The following MEF2C variants were observed in gnomAD, a reference collection of about 807,000 sequenced individuals.
MEF2C encodes myocyte-specific enhancer factor 2C.
MEF2C carries 6 observed loss-of-function variants against 50.5 expected under a neutral mutation model. That is an observed-to-expected ratio of 0.12 (90% CI 0.07 to 0.23). MEF2C has a LOEUF of 0.23. Among genes scored for constraint, MEF2C ranks in the 10% least tolerant of loss-of-function variants. The pLI is 1.00. For synonymous variants in MEF2C, 183 were observed against 228.0 expected (o/e 0.80, Z 1.78); for missense variants, 276 against 605.0 (o/e 0.46, Z 5.70).
At chr5:88,822,845 C>A (rs1248458745) in intron 2 of MEF2C, among the ~76,000 whole-genome samples, 2 of 151,960 alleles carry the variant, frequency 1.3e-5, no homozygotes, top group African/African-American at 4.8e-5. Context: ...AACGTCTTCT[C>A]TGCAGGTTCC....
chr5:88,734,598 T>TTTTTTTTTTTTG, intron 6 of MEF2C: 7 of 883,890 alleles, frequency 7.9e-6, no homozygotes, highest in Non-Finnish European at 9.3e-6. Flanking sequence ...TTTTTTTTTT[T>TTTTTTTTTTTTG]AGCATTTTCT....
rs1761654788 is a variant in MEF2C, at chr5:88,731,577, A to C, written c.810+152T>G. On this transcript the variant is annotated intron_variant, in intron 7 of 10. Coordinates refer to ENST00000504921, the MANE Select transcript of MEF2C (RefSeq NM_002397.5). Reference sequence around the variant, plus strand: ...AAATGCAAACCAGTTACCAGAAATAATAGCTAAATACAAGCAAGGCTCTGT... The same window carrying C: ...AAATGCAAACCAGTTACCAGAAATACTAGCTAAATACAAGCAAGGCTCTGT... 2.7e-5 allele frequency: 18 copies of C among 677,814 alleles called. No individual in the cohort carries two copies. The East Asian group carries it at 5.1e-4, about 19-fold the overall frequency. 42.0% of individuals were successfully genotyped at this position (677,814 alleles called of 1,614,324 possible). A position where few individuals can be genotyped will look rare whatever the true frequency, so the allele number is the denominator to read the frequency against.
chr5:88,871,062 T>A (rs1050535272), intron 1 of MEF2C, among the ~76,000 whole-genome samples: 1 of 152,062 alleles, frequency 6.6e-6, no homozygotes, highest in African/African-American at 2.4e-5. Context: ...TAAAAACAAA[T>A]GTGCTTCTAT....
rs1387122799 is a variant in MEF2C, at chr5:88,717,493, T to C, written c.*5111A>G. ...CTGGAATCACCACATGAGTTACATA[T>C]AATAATTGCTTAATACATGTTTGCT... On this transcript the variant is annotated 3_prime_UTR_variant, in exon 11 of 11. Transcript: ENST00000504921. 1 of 152,032 alleles carries C rather than the reference T, an allele frequency of 6.6e-6. No individual in the cohort carries two copies. Among genetic ancestry groups the C allele is most frequent in the Non-Finnish European group, 1.5e-5 (1 of 68,038 alleles). The allele number at this position is 152,032 out of a possible 1,614,324, so 9.4% of individuals were successfully genotyped here.
chr5:88,742,053 A>G, intron 6 of MEF2C: 2 of 985,424 alleles, frequency 2.0e-6, no homozygotes, highest in Non-Finnish European at 2.4e-6. Context: ...GCAAAATTTA[A>G]GTGATTGGCA....
At chr5:88,815,974 AG>A (rs1429818757) in intron 2 of MEF2C, among the ~76,000 whole-genome samples, 2 of 152,044 alleles carry the variant, frequency 1.3e-5, no homozygotes, top group Non-Finnish European at 2.9e-5. Flanking sequence ...CAGAGGTGAA[AG>A]GGGCCATTCA....
At chr5:88,752,855 T>C in intron 4 of MEF2C, 2 of 678,400 alleles carry the variant, frequency 2.9e-6, no homozygotes, top group Non-Finnish European at 1.8e-6. Flanking sequence ...ACTAACTAGA[T>C]GAACATAGGA....
Position 88,722,507 on chromosome 5 carries a change from C to A in MEF2C, c.*97G>T. The A allele has an allele frequency of 1.8e-6, 2 of 1,099,384 alleles. No individual in the cohort carries two copies. The highest frequency in any genetic ancestry group is 1.6e-5 in the South Asian group (1 of 63,074). The allele number at this position is 1,099,384 out of a possible 1,614,324, so 68.1% of individuals were successfully genotyped here. On this transcript the variant is annotated 3_prime_UTR_variant, in exon 11 of 11. Transcript: ENST00000504921. ...ACCTGACTTTTTTTTTTTCCACACA[C>A]GGCACATATAATGCATATCGACCCC...
chr5:88,742,284 A>G lies in MEF2C; in HGVS notation c.637+6786T>C, dbSNP rs558553469. On this transcript the variant is annotated intron_variant, in intron 6 of 10. Transcript: ENST00000504921. ...TATCTCCAAATAAAATCTTATCATG[A>G]TGCCAAAGATAGGGAAGAGGAACCT... is the stretch of plus-strand genomic sequence containing the variant. The G allele has an allele frequency of 1.4e-5, 14 of 985,416 alleles. No individual in the cohort carries two copies. In the South Asian group the frequency reaches 5.6e-4, roughly 40 times the overall value. 61.0% of individuals were successfully genotyped at this position (985,416 alleles called of 1,614,324 possible).
chr5:88,723,590 C>T (rs1757237533), intron 10 of MEF2C, among the ~76,000 whole-genome samples: 1 of 152,206 alleles, frequency 6.6e-6, no homozygotes. Flanking sequence ...GGTTTTCAAA[C>T]ACTTAAGACT....
chr5:88,886,093 T>G (rs544004597), upstream of MEF2C, among the ~76,000 whole-genome samples: 28 of 152,282 alleles, frequency 1.8e-4, no homozygotes, highest in South Asian at 4.4e-3. Context: ...AAATACAGGA[T>G]TTTCCCCTCA....
chr5:88,760,430 T>G (rs1300634509), intron 4 of MEF2C, among the ~76,000 whole-genome samples: 1 of 152,224 alleles, frequency 6.6e-6, no homozygotes, highest in African/African-American at 2.4e-5. Flanking sequence ...ATCTTACCAT[T>G]AGGTTTCATG....
intron 6 of MEF2C, chr5:88,738,092 A>T: frequency 1.0e-6 from 1 of 985,386 alleles, no homozygotes; most frequent in Non-Finnish European, 1.2e-6. Flanking sequence ...GGACAAAAAA[A>T]AGATAAGGCA....
At chr5:88,849,327 G>A (rs1461944058) in intron 1 of MEF2C, among the ~76,000 whole-genome samples, 1 of 152,006 alleles carries the variant, frequency 6.6e-6, no homozygotes, top group African/African-American at 2.4e-5. Flanking sequence ...ACATGATTTT[G>A]GCTAATCTGT....
chr5:88,743,857 A>G, intron 6 of MEF2C: 1 of 972,328 alleles, frequency 1.0e-6, no homozygotes, highest in Non-Finnish European at 1.2e-6. Flanking sequence ...AAATAAGAAA[A>G]CAGATGTTAG....
intron 5 of MEF2C, chr5:88,751,592 T>G: frequency 1.1e-6 from 1 of 925,156 alleles, no homozygotes; most frequent in Non-Finnish European, 1.3e-6. Flanking sequence ...ACATCCTGTT[T>G]GAGAGTATGT....
rs542410850 is a variant in MEF2C at position 88,864,439 on chromosome 5, G to T, written c.-143+18516C>A. On this transcript the variant is annotated intron_variant, in intron 1 of 10. Coordinates refer to ENST00000504921, the MANE Select transcript of MEF2C (RefSeq NM_002397.5). ...AGAAACTGCAATACCTGGATGGCAGGCCAATTTAATCTGAATCTGGGAGTG... is the reference window on the plus strand; with the variant it reads ...AGAAACTGCAATACCTGGATGGCAGTCCAATTTAATCTGAATCTGGGAGTG... 2.6e-3 allele frequency among the ~76,000 whole-genome samples: 391 copies of T among 151,792 alleles called. 1 individual carries two copies. Among genetic ancestry groups the T allele is most frequent in the Non-Finnish European group, 3.9e-3 (263 of 67,946 alleles).
At chr5:88,901,814 A>G (rs1835683466) in intron 1 of MEF2C, among the ~76,000 whole-genome samples, 1 of 152,026 alleles carries the variant, frequency 6.6e-6, no homozygotes, top group African/African-American at 2.4e-5. Context: ...TGAAAATTTT[A>G]AAAAATGGGA....
At chr5:88,780,469 C>A (rs1274284679) in intron 3 of MEF2C, among the ~76,000 whole-genome samples, 2 of 152,090 alleles carry the variant, frequency 1.3e-5, no homozygotes, top group African/African-American at 4.8e-5. Context: ...AAAATGATAT[C>A]CTTTTCCCAG....
Sources: gnomAD v4.1 joint callset for allele counts (sites outside exome capture counted in the v4.1 genomes callset) on GRCh38, gnomAD v4.1.1 for gene constraint, MANE v1.5 for transcripts, NCBI Gene and HGNC (gene_info 2026-07-23, HGNC 2026-07-21) for gene names.